The following GNG7 variants were observed in gnomAD, a reference collection of about 807,000 sequenced individuals.
GNG7 encodes guanine nucleotide-binding protein G(I)/G(S)/G(O) subunit gamma-7.
A neutral mutation model predicts 4.0 loss-of-function variants in GNG7; 1 was observed. The ratio of observed to expected loss-of-function variants is 0.25; its 90% CI spans 0.09 to 1.18. The LOEUF is 1.18. GNG7 is among the 50% of genes most tolerant of loss of function. GNG7 has a pLI of 0.50. For missense variants in GNG7, 86 were observed against 91.9 expected (o/e 0.94, Z 0.26); for synonymous variants, 34 against 36.9 (o/e 0.92, Z 0.29).
chr19:2,559,922 C>T (rs1979689202), intron 2 of GNG7, among the ~76,000 whole-genome samples: 1 of 152,096 alleles, frequency 6.6e-6, no homozygotes, highest in Non-Finnish European at 1.5e-5. Context: ...CTCCACGAGG[C>T]CCTGAGGGAC....
At chr19:2,549,621 G>T (rs1181691516) in intron 3 of GNG7, among the ~76,000 whole-genome samples, 1 of 152,068 alleles carries the variant, frequency 6.6e-6, no homozygotes, top group Non-Finnish European at 1.5e-5. Context: ...TTTGCACGGG[G>T]CCGGGGCATT....
At chr19:2,627,634 G>A (rs973046034) in intron 2 of GNG7, among the ~76,000 whole-genome samples, 3 of 152,198 alleles carry the variant, frequency 2.0e-5, no homozygotes, top group Admixed American at 6.5e-5. Context: ...CTCTCATTAC[G>A]AGCAAAGCTC....
intron 3 of GNG7, among the ~76,000 whole-genome samples, chr19:2,543,219 TCC>T (rs1290728044): frequency 7.1e-5 from 9 of 126,690 alleles, no homozygotes; most frequent in Non-Finnish European, 3.3e-5. Flanking sequence ...GTGCCTGGCC[TCC>T]TTTTTTTTTT....
In GNG7 at chr19:2,614,844, C is replaced by G. The variant is rs1289531690; in HGVS notation, c.-78+31380G>C. On this transcript the variant is annotated intron_variant, in intron 2 of 4. Transcript: ENST00000382159. The surrounding 1 kb of genome is among the most constrained non-coding windows in gnomAD (Gnocchi z 6.0). Reference sequence around the variant, plus strand: ...GTCATGTGGCGACTCCGCGTTCAGCCTTTTGAGGAACCACCAGACTGGTTT... The same window carrying G: ...GTCATGTGGCGACTCCGCGTTCAGCGTTTTGAGGAACCACCAGACTGGTTT... Among the ~76,000 whole-genome samples the G allele has an allele frequency of 2.6e-5, 4 of 152,226 alleles. No individual in the cohort carries two copies. Among genetic ancestry groups the G allele is most frequent in the African/African-American group, 7.2e-5 (3 of 41,452 alleles).
At chr19:2,541,338 G>A (rs1312692276) in intron 3 of GNG7, among the ~76,000 whole-genome samples, 2 of 152,100 alleles carry the variant, frequency 1.3e-5, no homozygotes, top group Non-Finnish European at 2.9e-5. Context: ...ATGTTCTTGG[G>A]GAAGCGAAGC....
intron 2 of GNG7, among the ~76,000 whole-genome samples, chr19:2,621,580 C>G (rs759123065): frequency 6.6e-5 from 10 of 151,874 alleles, no homozygotes; most frequent in Non-Finnish European, 1.3e-4. Flanking sequence ...GCCTGTAATC[C>G]CAGCTACTCG....
Position 2,512,146 on chromosome 19 carries a change from T to C in GNG7, c.*2876A>G. 1.3e-5 allele frequency: 13 copies of C among 985,848 alleles called. No individual in the cohort carries two copies. Among genetic ancestry groups the C allele is most frequent in the Non-Finnish European group, 1.6e-5 (13 of 829,958 alleles). The allele number at this position is 985,848 out of a possible 1,614,324, so 61.1% of individuals were successfully genotyped here. On this transcript the variant is annotated 3_prime_UTR_variant, in exon 5 of 5. Transcript: ENST00000382159. The surrounding 1 kb of genome is among the most constrained non-coding windows in gnomAD (Gnocchi z 4.7). ...TCCCCTGGCGTAGCTGAGAGAGGCT[T>C]GTCCCCCCAAGGCTAGAGCTGCTGC... is the stretch of plus-strand genomic sequence containing the variant.
intron 2 of GNG7, among the ~76,000 whole-genome samples, chr19:2,562,181 G>C (rs1979761335): frequency 6.6e-6 from 1 of 152,228 alleles, no homozygotes; most frequent in Non-Finnish European, 1.5e-5. Flanking sequence ...TTCACACAGA[G>C]CCAGAGCCGT....
At chr19:2,646,103 C>T (rs1051315519) in intron 2 of GNG7, 121 bp downstream of exon 2, 1 of 152,196 alleles carries the variant, frequency 6.6e-6, no homozygotes, top group African/African-American at 2.4e-5. Context: ...TACAAACAGC[C>T]GACAGACCCA....
At chr19:2,572,183 G>A (rs2144781964) in intron 2 of GNG7, among the ~76,000 whole-genome samples, 1 of 151,790 alleles carries the variant, frequency 6.6e-6, no homozygotes, top group Non-Finnish European at 1.5e-5. Context: ...CACAACACCA[G>A]GCTAATTTTT....
At chr19:2,687,776 C>T (rs1983909253) in intron 1 of GNG7, among the ~76,000 whole-genome samples, 1 of 150,720 alleles carries the variant, frequency 6.6e-6, no homozygotes, top group Non-Finnish European at 1.5e-5. Flanking sequence ...GAGTTCGAGA[C>T]CAGCCTGGCC....
chr19:2,697,733 T>C (rs1913301937), intron 1 of GNG7, among the ~76,000 whole-genome samples: 1 of 151,882 alleles, frequency 6.6e-6, no homozygotes, highest in Non-Finnish European at 1.5e-5. Context: ...GGTGGGTGGA[T>C]GACCTAAGGT....
rs556314855 is a variant in GNG7, at chr19:2,697,828, C to A, written c.-135+4818G>T. On this transcript the variant is annotated intron_variant, in intron 1 of 4. Transcript: ENST00000382159. ...CTCTACTAAAAATACAAAAATTAGC[C>A]GGGCGTGGTGGCACATGCCTGTAAT... Among the ~76,000 whole-genome samples, 237 of 151,910 alleles carry A rather than the reference C, an allele frequency of 1.6e-3. 1 individual carries two copies. The highest frequency in any genetic ancestry group is 5.1e-3 in the African/African-American group (213 of 41,390).
chr19:2,643,451 G>T, intron 2 of GNG7: 2 of 423,038 alleles, frequency 4.7e-6, no homozygotes, highest in Admixed American at 5.0e-5. Flanking sequence ...TCCGGACTCT[G>T]CACACCTTCC....
Position 2,513,186 on chromosome 19 carries a change from C to A in GNG7, c.*1836G>T. On this transcript the variant is annotated 3_prime_UTR_variant, in exon 5 of 5. Transcript: ENST00000382159. ...GGCGAGGTGGGAACCCTGGCAGTCA[C>A]CAGCTCAGGAAGTGAGCCAAGCAGG... 1 of 954,056 alleles carries A rather than the reference C, an allele frequency of 1.0e-6. No homozygotes were observed. Among genetic ancestry groups the A allele is most frequent in the Non-Finnish European group, 1.2e-6 (1 of 801,294 alleles). 59.1% of individuals were successfully genotyped at this position (954,056 alleles called of 1,614,324 possible).
chr19:2,638,230 GCA>G (rs1982368355), intron 2 of GNG7, among the ~76,000 whole-genome samples: 2 of 151,064 alleles, frequency 1.3e-5, no homozygotes, highest in African/African-American at 4.9e-5. Flanking sequence ...GGGCGTGGTG[GCA>G]TGCACCTGTA....
rs555316228 is a variant in GNG7, at chr19:2,511,721, C to T, written c.*3301G>A. ...TGCGCCTCGGACACGGTGGCCGGCC[C>T]GTCAAAGGGACCACGCAGAAGGAGG... On this transcript the variant is annotated 3_prime_UTR_variant, in exon 5 of 5. Coordinates refer to ENST00000382159, the MANE Select transcript of GNG7 (RefSeq NM_052847.3). The surrounding 1 kb of genome is among the most constrained non-coding windows in gnomAD (Gnocchi z 6.3). 5.4e-5 allele frequency: 46 copies of T among 847,020 alleles called. No homozygotes were observed. The South Asian group carries it at 1.8e-3, about 33-fold the overall frequency. 52.5% of individuals were successfully genotyped at this position (847,020 alleles called of 1,614,324 possible).
intron 2 of GNG7, among the ~76,000 whole-genome samples, chr19:2,573,030 T>G (rs1046437553): frequency 2.0e-5 from 3 of 148,496 alleles, no homozygotes; most frequent in African/African-American, 2.5e-5. Flanking sequence ...TTTTTTTTTT[T>G]TTTTTTTTGT....
chr19:2,628,745 G>A (rs913150140), intron 2 of GNG7, among the ~76,000 whole-genome samples: 1 of 151,182 alleles, frequency 6.6e-6, no homozygotes, highest in African/African-American at 2.5e-5. Flanking sequence ...GACACCTCGG[G>A]ATGTGCTTCT....
Sources: gnomAD v4.1 joint callset for allele counts (sites outside exome capture counted in the v4.1 genomes callset) on GRCh38, gnomAD v4.1.1 for gene constraint, Gnocchi (gnomAD v3.1) non-coding constraint, MANE v1.5 for transcripts, NCBI Gene and HGNC (gene_info 2026-07-23, HGNC 2026-07-21) for gene names.